Variants in SPMIP8 observed in about 807,000 individuals in gnomAD.
The protein encoded by SPMIP8 is sperm microtubule inner protein 8.
chr16:57,985,140 A>C, the SPMIP8 span: 1 of 1,360,078 alleles, frequency 7.4e-7, no homozygotes, highest in Non-Finnish European at 9.4e-7. Flanking sequence ...CGGGGCTTAG[A>C]TGAGGAGGCG....
chr16:57,978,991 C>T, the SPMIP8 span, among the ~76,000 whole-genome samples: 1 of 152,182 alleles, frequency 6.6e-6, no homozygotes, highest in Non-Finnish European at 1.5e-5. Flanking sequence ...GTAGTAACTT[C>T]TGCCCAAGCA....
the SPMIP8 span, among the ~76,000 whole-genome samples, chr16:57,979,730 T>G: frequency 6.6e-6 from 1 of 152,026 alleles, no homozygotes; most frequent in South Asian, 2.1e-4. Context: ...CACATGTTAT[T>G]TTGCTCCCCA....
At chr16:57,984,095 T>G in the SPMIP8 span, among the ~76,000 whole-genome samples, 1 of 148,986 alleles carries the variant, frequency 6.7e-6, no homozygotes, top group African/African-American at 2.5e-5. Flanking sequence ...GTAGAGATGG[T>G]CTTTCACCAT....
chr16:57,985,222 C>G, the SPMIP8 span: 17 of 1,546,454 alleles, frequency 1.1e-5, no homozygotes, highest in Non-Finnish European at 1.4e-5. Context: ...GTCTCAGCGG[C>G]TACGCGGTGC....
the SPMIP8 span, among the ~76,000 whole-genome samples, chr16:57,978,401 G>A: frequency 3.9e-5 from 6 of 152,012 alleles, no homozygotes; most frequent in South Asian, 2.1e-4. Flanking sequence ...TTAACCAGGC[G>A]TGGTGGCAGG....
At chr16:57,985,234 G>A in the SPMIP8 span, 8 of 1,554,956 alleles carry the variant, frequency 5.1e-6, no homozygotes, top group Non-Finnish European at 6.9e-6. Context: ...ACGCGGTGCG[G>A]TACTTGAAGC....
chr16:57,982,104 T>C, the SPMIP8 span, among the ~76,000 whole-genome samples: 3 of 152,204 alleles, frequency 2.0e-5, no homozygotes, highest in East Asian at 5.8e-4. Context: ...TGCCATATTT[T>C]TGCTTCTCTC....
the SPMIP8 span, chr16:57,985,371 C>T: frequency 2.5e-6 from 4 of 1,594,044 alleles, no homozygotes; most frequent in African/African-American, 2.7e-5. Context: ...CAGAGCAGGG[C>T]CTCCCAGTCT....
chr16:57,987,175 G>A, the SPMIP8 span: 2 of 425,342 alleles, frequency 4.7e-6, no homozygotes, highest in African/African-American at 2.0e-5. Flanking sequence ...TCATAGTTAG[G>A]TATCAATGGG....
At chr16:57,980,994 C>T in the SPMIP8 span, among the ~76,000 whole-genome samples, 2 of 152,132 alleles carry the variant, frequency 1.3e-5, no homozygotes, top group African/African-American at 2.4e-5. Flanking sequence ...GAATTACAGG[C>T]GTGAGCTACC....
chr16:57,984,892 C>G, the SPMIP8 span: 3 of 1,466,446 alleles, frequency 2.0e-6, no homozygotes, highest in Non-Finnish European at 2.7e-6. Flanking sequence ...CGGACGGGAA[C>G]GCAGGCGGCG....
chr16:57,977,708 T>C, the SPMIP8 span: 3 of 1,247,776 alleles, frequency 2.4e-6, no homozygotes, highest in African/African-American at 4.5e-5. Context: ...GCTAAATAAA[T>C]GTTTGGCAAG....
chr16:57,985,808 G>T, the SPMIP8 span: 20 of 1,458,230 alleles, frequency 1.4e-5, no homozygotes, highest in African/African-American at 2.8e-4. Context: ...AACCCTTCAG[G>T]AGGGATGGCG....
At chr16:57,981,581 G>C in the SPMIP8 span, among the ~76,000 whole-genome samples, 4 of 127,070 alleles carry the variant, frequency 3.1e-5, no homozygotes, top group Non-Finnish European at 6.3e-5. Flanking sequence ...GCGCTATCTC[G>C]GCTCACTGCA....
At chr16:57,976,734 TG>T in the SPMIP8 span, 2 of 1,429,320 alleles carry the variant, frequency 1.4e-6, no homozygotes, top group Non-Finnish European at 1.9e-6. Context: ...AGCTTCCCCA[TG>T]CCTTGTCACC....
At chr16:57,982,229 C>T in the SPMIP8 span, among the ~76,000 whole-genome samples, 1 of 152,226 alleles carries the variant, frequency 6.6e-6, no homozygotes, top group Non-Finnish European at 1.5e-5. Flanking sequence ...AATACTTCTA[C>T]AACATCTAAT....
At chr16:57,982,295 T>C in the SPMIP8 span, among the ~76,000 whole-genome samples, 1 of 152,236 alleles carries the variant, frequency 6.6e-6, no homozygotes, top group East Asian at 1.9e-4. Context: ...TTTCTGGCTT[T>C]AAAATGATTT....
At chr16:57,985,290 C>T in the SPMIP8 span, 3 of 1,560,346 alleles carry the variant, frequency 1.9e-6, no homozygotes, top group Non-Finnish European at 2.6e-6. Flanking sequence ...GCGCGCAGAC[C>T]CGTCCCTGAG....
chr16:57,985,929 G>C, the SPMIP8 span: 1 of 1,612,600 alleles, frequency 6.2e-7, no homozygotes, highest in Non-Finnish European at 8.5e-7. Flanking sequence ...CGAAGCTTCG[G>C]CTCCAGCTAC....
Sources: allele counts gnomAD v4.1 joint callset (sites outside exome capture counted in the v4.1 genomes callset), GRCh38; gene constraint gnomAD v4.1.1; transcripts MANE v1.5; gene names NCBI Gene and HGNC (gene_info 2026-07-23, HGNC 2026-07-21).